Variants in NRXN3 observed in about 807,000 individuals in gnomAD.
NRXN3 encodes neurexin 3.
Under a neutral mutation model 137.6 loss-of-function variants are expected in NRXN3, and 32 were observed. The observed-to-expected ratio is 0.23, with a 90% CI of 0.18 to 0.31. The LOEUF (loss-of-function observed/expected upper bound fraction) is 0.31. NRXN3 is among the 10% of genes least tolerant of loss of function. The pLI is 1.00. For synonymous variants in NRXN3, 798 were observed against 784.5 expected (o/e 1.02, Z -0.29); for missense variants, 1,574 against 2,062.5 (o/e 0.76, Z 4.59).
intron 4 of NRXN3, among the ~76,000 whole-genome samples, chr14:78,492,173 A>C (rs1387300241): frequency 6.6e-6 from 1 of 152,230 alleles, no homozygotes; most frequent in Non-Finnish European, 1.5e-5. Flanking sequence ...AACGCTTAAG[A>C]ACAGAGACTC....
intron 4 of NRXN3, among the ~76,000 whole-genome samples, chr14:78,406,320 C>T (rs2092480399): frequency 6.6e-6 from 1 of 152,150 alleles, no homozygotes; most frequent in African/African-American, 2.4e-5. Context: ...ATCCTCAATT[C>T]AGCTACCTAA....
intron 16 of NRXN3, among the ~76,000 whole-genome samples, chr14:79,654,794 G>A (rs1438164094): frequency 2.0e-5 from 3 of 152,144 alleles, no homozygotes; most frequent in Non-Finnish European, 4.4e-5. Flanking sequence ...GGGATTGACT[G>A]AAAATGCCTT....
chr14:79,449,647 G>T (rs1457260774), intron 15 of NRXN3, among the ~76,000 whole-genome samples: 1 of 152,132 alleles, frequency 6.6e-6, no homozygotes, highest in African/African-American at 2.4e-5. Context: ...TCATTTTGTA[G>T]CCAATAAAGC....
chr14:78,549,725 C>T (rs868788180), intron 4 of NRXN3, among the ~76,000 whole-genome samples: 1 of 152,282 alleles, frequency 6.6e-6, no homozygotes. Flanking sequence ...TCCTCTAATT[C>T]CATTACCCTC....
At chr14:79,727,888 G>A (rs923545888) in intron 19 of NRXN3, among the ~76,000 whole-genome samples, 6 of 152,138 alleles carry the variant, frequency 3.9e-5, no homozygotes, top group Admixed American at 1.3e-4. Context: ...ATTGAGACTA[G>A]GATTCTTCTG....
At chr14:78,380,805 T>C (rs2088938906) in intron 4 of NRXN3, among the ~76,000 whole-genome samples, 3 of 152,184 alleles carry the variant, frequency 2.0e-5, no homozygotes, top group Admixed American at 1.3e-4. Context: ...TTTTTTTTTT[T>C]TTAGATATAG....
At chr14:78,533,818 C>T (rs77487624) in intron 4 of NRXN3, among the ~76,000 whole-genome samples, 4,499 of 152,330 alleles carry the variant, frequency 0.03, 108 homozygotes, top group Non-Finnish European at 0.043. Flanking sequence ...AAGTACCATG[C>T]ATATGGCCAC....
At chr14:78,559,293 A>AT (rs149930966) in intron 4 of NRXN3, among the ~76,000 whole-genome samples, 107 of 152,244 alleles carry the variant, frequency 7.0e-4, no homozygotes, top group Non-Finnish European at 1.1e-3. Flanking sequence ...ATCTTAATGC[A>AT]TTTTTTTACC....
chr14:79,525,427 CCGT>C (rs199813164), intron 16 of NRXN3, among the ~76,000 whole-genome samples: 7,595 of 152,214 alleles, frequency 0.05, 187 homozygotes, highest in Middle Eastern at 0.1. Flanking sequence ...TTCCTGCAAT[CCGT>C]ATGTCATTTA....
chr14:79,799,241 A>G (rs755931768), intron 19 of NRXN3, among the ~76,000 whole-genome samples: 43 of 152,342 alleles, frequency 2.8e-4, no homozygotes, highest in East Asian at 1.4e-3. Context: ...TATGAAATAC[A>G]TATTTTAACA....
In NRXN3 at chr14:79,858,977, T is replaced by TAAA. The variant is rs1491383075; in HGVS notation, c.4094-2359_4094-2357dup. 2.2e-4 allele frequency among the ~76,000 whole-genome samples: 9 copies of TAAA among 40,004 alleles called. 2 individuals carry two copies. Among genetic ancestry groups the TAAA allele is most frequent in the Non-Finnish European group, 2.0e-4 (4 of 19,774 alleles). 26.2% of individuals were successfully genotyped at this position (40,004 alleles called of 152,430 possible). A position where few individuals can be genotyped will look rare whatever the true frequency, so the allele number is the denominator to read the frequency against. Reference sequence around the variant, plus strand: ...ATATGAATTATATATGTTCACAATGTAAAAAAAAGAAAAAAAAAAAAAACA... The same window carrying TAAA: ...ATATGAATTATATATGTTCACAATGTAAAAAAAAAAAGAAAAAAAAAAAAAACA... On this transcript the variant is annotated intron_variant, in intron 20 of 20. Coordinates refer to ENST00000335750, the MANE Select transcript of NRXN3 (RefSeq NM_001330195.2).
At chr14:78,998,502 GT>G (rs1567943245) in intron 15 of NRXN3, among the ~76,000 whole-genome samples, 1 of 152,104 alleles carries the variant, frequency 6.6e-6, no homozygotes, top group Non-Finnish European at 1.5e-5. Context: ...CAAAGAAAAC[GT>G]TGCAAGAAGC....
intron 15 of NRXN3, among the ~76,000 whole-genome samples, chr14:79,375,007 G>C (rs75866059): frequency 0.014 from 2,153 of 152,150 alleles, 49 homozygotes; most frequent in African/African-American, 0.049. Context: ...AAGTACCTAC[G>C]ATATGCCAGG....
At chr14:79,810,734 A>G (rs2099229366) in intron 20 of NRXN3, among the ~76,000 whole-genome samples, 1 of 152,204 alleles carries the variant, frequency 6.6e-6, no homozygotes, top group South Asian at 2.1e-4. Context: ...TCGGGAAAGT[A>G]TCATCTGAAA....
In NRXN3 at chr14:78,649,011, G is replaced by T. The variant is rs145002453; in HGVS notation, c.1060-2154G>T. On this transcript the variant is annotated intron_variant, in intron 5 of 20. Transcript: ENST00000335750. Reference sequence around the variant, plus strand: ...GAGCTGCAATGGCATGTAGACTGCAGCTCCTTTTCTGGCTGTGCCCCAGGT... The same window carrying T: ...GAGCTGCAATGGCATGTAGACTGCATCTCCTTTTCTGGCTGTGCCCCAGGT... Among the ~76,000 whole-genome samples the T allele has an allele frequency of 1.9e-3, 283 of 152,244 alleles. 4 individuals carry two copies. Among genetic ancestry groups the T allele is most frequent in the Admixed American group, 9.2e-4 (14 of 15,292 alleles).
chr14:78,578,417 T>TTGGGGAC (rs1477877342), intron 4 of NRXN3, among the ~76,000 whole-genome samples: 1 of 152,186 alleles, frequency 6.6e-6, no homozygotes, highest in East Asian at 1.9e-4. Flanking sequence ...TTCGGAGTAA[T>TTGGGGAC]TGGGGACTGG....
At chr14:78,841,611 T>C (rs1372376197) in intron 10 of NRXN3, among the ~76,000 whole-genome samples, 1 of 152,132 alleles carries the variant, frequency 6.6e-6, no homozygotes, top group East Asian at 1.9e-4. Flanking sequence ...CACTTATGAA[T>C]TGTTTCTGTC....
At chr14:79,779,297 G>T (rs941380559) in intron 19 of NRXN3, among the ~76,000 whole-genome samples, 1 of 151,908 alleles carries the variant, frequency 6.6e-6, no homozygotes, top group Non-Finnish European at 1.5e-5. Flanking sequence ...ATTTTTAGTA[G>T]AGACAGGGTT....
At chr14:79,390,209 C>T (rs369590004) in intron 15 of NRXN3, among the ~76,000 whole-genome samples, 23 of 149,714 alleles carry the variant, frequency 1.5e-4, no homozygotes, top group East Asian at 1.0e-3. Context: ...CCCAGCTACT[C>T]GGGAGGCTGA....
Sources: gnomAD v4.1 joint callset for allele counts (sites outside exome capture counted in the v4.1 genomes callset) on GRCh38, gnomAD v4.1.1 for gene constraint, MANE v1.5 for transcripts, NCBI Gene and HGNC (gene_info 2026-07-23, HGNC 2026-07-21) for gene names.